INTS6L: variants seen among roughly 807,000 people sequenced by gnomAD.
INTS6L encodes the protein integrator complex subunit 6-like.
Under a neutral mutation model 64.7 loss-of-function variants are expected in INTS6L, and 18 were observed. That is an observed-to-expected ratio of 0.28 (90% CI 0.19 to 0.41). The LOEUF is 0.41. Ranked by LOEUF, INTS6L falls within the 10% of genes least tolerant of loss-of-function variation. INTS6L has a pLI of 1.00. For missense variants in INTS6L, 533 were observed against 661.0 expected (o/e 0.81, Z 2.12); for synonymous variants, 227 against 235.9 (o/e 0.96, Z 0.34).
intron 15 of INTS6L, among the ~76,000 whole-genome samples, chrX:135,577,798 C>G (rs1028281436): frequency 1.8e-5 from 2 of 112,038 alleles, no homozygotes; most frequent in African/African-American, 6.5e-5. Context: ...GCAGGTTTCC[C>G]TGGCAGTAGG....
At chrX:135,558,683 C>T (rs1407782702) in intron 9 of INTS6L, among the ~76,000 whole-genome samples, 2 of 111,348 alleles carry the variant, frequency 1.8e-5, no homozygotes, top group Non-Finnish European at 3.8e-5. Flanking sequence ...ATATCTGTGG[C>T]ACAGCAATAT....
At chrX:135,543,310 G>T (rs781977728) in intron 2 of INTS6L, among the ~76,000 whole-genome samples, 1 of 111,959 alleles carries the variant, frequency 8.9e-6, no homozygotes, top group African/African-American at 3.2e-5. Context: ...ATCTTAATCA[G>T]CCTTGCCTCC....
At chrX:135,567,125 A>C (rs1197265851) in intron 9 of INTS6L, among the ~76,000 whole-genome samples, 1 of 111,949 alleles carries the variant, frequency 8.9e-6, no homozygotes, top group Non-Finnish European at 1.9e-5. Context: ...ATGGAGGCTT[A>C]CAAAAGGCAA....
chrX:135,545,026 T>C (rs2086318781), intron 2 of INTS6L, among the ~76,000 whole-genome samples: 1 of 111,917 alleles, frequency 8.9e-6, no homozygotes, highest in African/African-American at 3.3e-5. Flanking sequence ...ACAGTCAATA[T>C]AGCTAATTGT....
Position 135,581,912 on chromosome X carries a change from C to T in INTS6L, c.*276C>T, listed in dbSNP as rs1190907065. 3 of 243,808 alleles carry T rather than the reference C, an allele frequency of 1.2e-5. No individual in the cohort carries two copies. Among genetic ancestry groups the T allele is most frequent in the Non-Finnish European group, 2.1e-5 (3 of 139,663 alleles). 20.1% of individuals were successfully genotyped at this position (243,808 alleles called of 1,213,427 possible). ...CTAAATTCGGTAAACACCACTGCCC[C>T]TACCACGGGTAATGAGAGGTCACTC... On this transcript the variant is annotated 3_prime_UTR_variant, in exon 18 of 18. Transcript: ENST00000639893.
In INTS6L at chrX:135,531,915, G is replaced by A. The variant is rs141638116; in HGVS notation, c.189+10597G>A. Among the ~76,000 whole-genome samples, 283 of 111,934 alleles carry A rather than the reference G, an allele frequency of 2.5e-3. 1 individual carries two copies. The highest frequency in any genetic ancestry group is 4.4e-3 in the Non-Finnish European group (236 of 53,201). The stretch of plus-strand genomic sequence containing the variant: ...AGCCAGGAGAGCTGAAGGCCTGGGG[G>A]AGGAGAGGAAGTAAACTGAAATCAT... On this transcript the variant is annotated intron_variant, in intron 2 of 17. Transcript: ENST00000639893.
intron 2 of INTS6L, among the ~76,000 whole-genome samples, chrX:135,523,792 C>G (rs1374830341): frequency 3.6e-5 from 4 of 112,084 alleles, no homozygotes; most frequent in Non-Finnish European, 7.5e-5. Context: ...TCAGATAGCT[C>G]TTTTTATCCT....
intron 2 of INTS6L, among the ~76,000 whole-genome samples, chrX:135,536,851 A>C (rs1002095306): frequency 3.6e-5 from 4 of 111,225 alleles, no homozygotes; most frequent in Admixed American, 1.9e-4. Context: ...CAGAGTTCCA[A>C]ATTACAGCTT....
chrX:135,572,605 G>GA lies in INTS6L; in HGVS notation c.1399-201dup, dbSNP rs782599478. ...TTATTATAATTTTGACACTAGACAAGAAAAAAAAATATTATTTGTCTTTCC... is the reference window on the plus strand; with the variant it reads ...TTATTATAATTTTGACACTAGACAAGAAAAAAAAAATATTATTTGTCTTTCC... On this transcript the variant is annotated intron_variant, in intron 11 of 17. Transcript: ENST00000639893. 1.5e-3 allele frequency: 439 copies of GA among 299,048 alleles called. 1 individual carries two copies. The highest frequency in any genetic ancestry group is 2.7e-3 in the African/African-American group (99 of 36,452). The allele number at this position is 299,048 out of a possible 1,213,427, so 24.6% of individuals were successfully genotyped here.
chrX:135,573,964 A>G lies in INTS6L; in HGVS notation c.1643A>G (p.Asn548Ser). ...GATTTGAAACCTCAGACATACAGAA[A>G]TGCTTATGATATTCCCCGTAGAGGT... ...NKDLKPQTYR[N>S]AYDIPRRGLL... Residue 548 changes from asparagine (N) to serine (S), a missense_variant, in exon 13 of 18, where the codon AAT (asparagine) becomes AGT (serine). Physicochemically the swap from Asn to Ser is conservative, Grantham distance 46 (BLOSUM62 1). Transcript: ENST00000639893. 1 of 1,199,441 alleles carries G rather than the reference A, an allele frequency of 8.3e-7. No individual in the cohort carries two copies. Among genetic ancestry groups the G allele is most frequent in the Non-Finnish European group, 1.1e-6 (1 of 891,342 alleles).
At chrX:135,559,845 T>G (rs781804877) in intron 9 of INTS6L, among the ~76,000 whole-genome samples, 4 of 112,470 alleles carry the variant, frequency 3.6e-5, no homozygotes, top group Non-Finnish European at 5.6e-5. Context: ...TTGATAGGTG[T>G]ATGGTGATAT....
At position 135,575,812 on chromosome X, in the gene INTS6L, G is replaced by A. The variant is rs12557398; in HGVS notation, c.1884+586G>A. 3.5e-4 allele frequency among the ~76,000 whole-genome samples: 19 copies of A among 54,349 alleles called. No individual in the cohort carries two copies. The South Asian group carries it at 0.014, about 41-fold the overall frequency. The allele number at this position is 54,349 out of a possible 115,157, so 47.2% of individuals were successfully genotyped here. A position where few individuals can be genotyped will look rare whatever the true frequency, so the allele number is the denominator to read the frequency against. On this transcript the variant is annotated intron_variant, in intron 14 of 17. Coordinates refer to ENST00000639893, the MANE Select transcript of INTS6L (RefSeq NM_001351601.3). The stretch of plus-strand genomic sequence containing the variant: ...TGTGTGTGTGTGTGTGTGTGTGTAT[G>A]TGTGTGTGTGTGTGTTATACTGACT...
intron 2 of INTS6L, among the ~76,000 whole-genome samples, chrX:135,522,271 G>C (rs2085601184): frequency 2.7e-5 from 3 of 112,065 alleles, no homozygotes; most frequent in Non-Finnish European, 5.6e-5. Flanking sequence ...GTTTGTGCTA[G>C]CCACGTAGGA....
intron 11 of INTS6L, chrX:135,572,588 A>G: frequency 3.3e-6 from 1 of 303,126 alleles, no homozygotes; most frequent in Non-Finnish European, 5.8e-6. Flanking sequence ...TTTTATTATA[A>G]TTTTGACACT....
chrX:135,536,902 G>A (rs186946660), intron 2 of INTS6L, among the ~76,000 whole-genome samples: 2 of 111,900 alleles, frequency 1.8e-5, no homozygotes, highest in South Asian at 3.7e-4. Flanking sequence ...TAGCCTACAT[G>A]TGTGTTCTGA....
intron 2 of INTS6L, among the ~76,000 whole-genome samples, chrX:135,536,061 A>C (rs2086043442): frequency 8.9e-6 from 1 of 112,290 alleles, no homozygotes. Flanking sequence ...CCTCAGGGGA[A>C]TGTCCAGATA....
rs782247404 is a variant in INTS6L, at chrX:135,542,187, G to T, written c.190-3236G>T. On this transcript the variant is annotated intron_variant, in intron 2 of 17. Coordinates refer to ENST00000639893, the MANE Select transcript of INTS6L (RefSeq NM_001351601.3). ...GAATTAACCTACAAACAATGTCAGA[G>T]ATTTAGATACAGAAACTATTAATAT... 2.7e-5 allele frequency among the ~76,000 whole-genome samples: 3 copies of T among 111,573 alleles called. No individual in the cohort carries two copies. The East Asian group carries it at 8.4e-4, about 31-fold the overall frequency.
intron 9 of INTS6L, among the ~76,000 whole-genome samples, chrX:135,564,035 G>A (rs1294691778): frequency 9.0e-6 from 1 of 110,518 alleles, no homozygotes; most frequent in Non-Finnish European, 1.9e-5. Flanking sequence ...CTCCTTCCAG[G>A]ATTCTGTTGA....
rs185499443 is a variant in INTS6L, at chrX:135,577,251, G to A, written c.1943G>A (p.Arg648His). The A allele has an allele frequency of 2.1e-5, 26 of 1,209,680 alleles. No individual in the cohort carries two copies. The highest frequency in any genetic ancestry group is 2.3e-4 in the Middle Eastern group (1 of 4,354). The stretch of plus-strand genomic sequence containing the variant: ...GCAGGGCCACAAAACAAAGTGAAAC[G>A]TCCAGGGGAACCCAACAGTCCTATG... Reference protein sequence around the residue: ...FVAGPQNKVKRPGEPNSPMSS... With the variant: ...FVAGPQNKVKHPGEPNSPMSS... The change falls in exon 15 of 18, where the codon CGT becomes CAT. Residue 648 changes from arginine (R) to histidine (H), a missense_variant. Transcript: ENST00000639893.
Sources: gnomAD v4.1 joint callset for allele counts (sites outside exome capture counted in the v4.1 genomes callset) on GRCh38, gnomAD v4.1.1 for gene constraint, MANE v1.5 for transcripts, NCBI Gene and HGNC (gene_info 2026-07-23, HGNC 2026-07-21) for gene names.